Variants in FOXN2 observed in about 807,000 individuals in gnomAD.
FOXN2 encodes the protein forkhead box N2.
A neutral mutation model predicts 41.2 loss-of-function variants in FOXN2; 19 were observed. That is an observed-to-expected ratio of 0.46 (90% CI 0.32 to 0.68). The LOEUF is 0.68. Among genes scored for constraint, FOXN2 ranks in the 30% least tolerant of loss-of-function variants. The probability of loss-of-function intolerance (pLI) is 0.03; values close to 1 mark genes in which losing one functional copy is unlikely to be tolerated. For synonymous variants in FOXN2, 195 were observed against 176.8 expected, an observed-to-expected ratio of 1.10 and a Z score of -0.82; for missense variants, 587 against 509.4, an observed-to-expected ratio of 1.15 and a Z score of -1.47.
intron 1 of FOXN2, among the ~76,000 whole-genome samples, chr2:48,328,080 C>T (rs1669798596): frequency 6.6e-6 from 1 of 152,230 alleles, no homozygotes; most frequent in African/African-American, 2.4e-5. Flanking sequence ...AGGTGATATA[C>T]TGCATGACTA....
intron 4 of FOXN2, among the ~76,000 whole-genome samples, chr2:48,361,466 CAAA>C (rs780422235): frequency 1.4e-5 from 1 of 73,958 alleles, no homozygotes; most frequent in Admixed American, 1.5e-4. Context: ...GACTGTGTCT[CAAA>C]AAAAAAAAAA....
chr2:48,323,624 A>G (rs926396562), intron 1 of FOXN2, among the ~76,000 whole-genome samples: 1 of 152,108 alleles, frequency 6.6e-6, no homozygotes, highest in African/African-American at 2.4e-5. Flanking sequence ...GGTTCTGGAT[A>G]TTAGTCGTTT....
In FOXN2 at chr2:48,339,032, A is replaced by T. The variant is rs543011870; in HGVS notation, c.-14-7169A>T. Among the ~76,000 whole-genome samples, 5 of 152,308 alleles carry T rather than the reference A, an allele frequency of 3.3e-5. No homozygotes were observed. The East Asian group carries it at 9.6e-4, about 29-fold the overall frequency. On this transcript the variant is annotated intron_variant, in intron 2 of 6. Transcript: ENST00000340553. ...AAAAATGGGCACAAGGCTTCAATAG[A>T]TACTTTATGGAAGAATAAATCCAAA...
chr2:48,345,688 T>C (rs1284453732), intron 2 of FOXN2, among the ~76,000 whole-genome samples: 3 of 152,098 alleles, frequency 2.0e-5, no homozygotes, highest in Admixed American at 1.3e-4. Flanking sequence ...GCTGTAAAAA[T>C]AGTATACATA....
intron 3 of FOXN2, among the ~76,000 whole-genome samples, chr2:48,352,393 A>G (rs1671504785): frequency 6.6e-6 from 1 of 152,168 alleles, no homozygotes; most frequent in Admixed American, 6.5e-5. Context: ...GATTTGTATA[A>G]CACTGTGCTT....
At chr2:48,363,063 T>G (rs1006476478) in intron 5 of FOXN2, among the ~76,000 whole-genome samples, 1 of 152,180 alleles carries the variant, frequency 6.6e-6, no homozygotes, top group African/African-American at 2.4e-5. Flanking sequence ...AAGTTAACTG[T>G]AAAAGAGCCT....
Position 48,378,129 on chromosome 2 carries a change from C to G in FOXN2, c.*2686C>G, listed in dbSNP as rs1305177185. The G allele has an allele frequency of 6.6e-6, 1 of 152,354 alleles. No individual in the cohort carries two copies. The highest frequency in any genetic ancestry group is 2.4e-5 in the African/African-American group (1 of 41,406). The allele number at this position is 152,354 out of a possible 1,614,324, so 9.4% of individuals were successfully genotyped here. A position where few individuals can be genotyped will look rare whatever the true frequency, so the allele number is the denominator to read the frequency against. ...CCTAGTAAAAAGCTTTGATTCAACA[C>G]AATTGTTCATCTTCACATCCCAAAC... On this transcript the variant is annotated 3_prime_UTR_variant, in exon 7 of 7. Coordinates refer to ENST00000340553, the MANE Select transcript of FOXN2 (RefSeq NM_002158.4).
chr2:48,362,778 A>C, intron 5 of FOXN2, 71 bp downstream of exon 5: 1 of 1,236,676 alleles, frequency 8.1e-7, no homozygotes, highest in South Asian at 1.2e-5. Flanking sequence ...AGTGCATAAC[A>C]ATGGTGGTCC....
chr2:48,323,693 A>C (rs1228505790), intron 1 of FOXN2, among the ~76,000 whole-genome samples: 8 of 151,780 alleles, frequency 5.3e-5, no homozygotes, highest in African/African-American at 1.9e-4. Flanking sequence ...CTCTTTATTG[A>C]TTATTTCTTT....
At chr2:48,320,463 G>A (rs902957600) in intron 1 of FOXN2, among the ~76,000 whole-genome samples, 6 of 152,016 alleles carry the variant, frequency 3.9e-5, no homozygotes, top group African/African-American at 7.2e-5. Flanking sequence ...GCTAATTTTT[G>A]TATTTTTAGT....
At chr2:48,329,284 C>A (rs1327870442) in intron 2 of FOXN2, among the ~76,000 whole-genome samples, 2 of 152,132 alleles carry the variant, frequency 1.3e-5, no homozygotes, top group African/African-American at 4.8e-5. Flanking sequence ...CATCTAAACA[C>A]ATGGTTTACA....
intron 4 of FOXN2, among the ~76,000 whole-genome samples, chr2:48,360,562 T>G (rs778562376): frequency 5.9e-5 from 9 of 152,290 alleles, no homozygotes; most frequent in Non-Finnish European, 7.4e-5. Context: ...ATTTTAAGCT[T>G]CTTTACCATA....
Position 48,375,558 on chromosome 2 carries a change from T to G in FOXN2, c.*115T>G. On this transcript the variant is annotated 3_prime_UTR_variant, in exon 7 of 7. Transcript: ENST00000340553. ...AAGGGATACTAATTACTTATTTCTT[T>G]CAAAACATTTTTGGTTTTTGGTTTT... is the stretch of plus-strand genomic sequence containing the variant. 8.8e-7 allele frequency: 1 copy of G among 1,136,206 alleles called. No homozygotes were observed. The highest frequency in any genetic ancestry group is 2.9e-5 in the Admixed American group (1 of 34,352). The allele number at this position is 1,136,206 out of a possible 1,614,324, so 70.4% of individuals were successfully genotyped here.
At chr2:48,332,529 C>T (rs765652646) in intron 2 of FOXN2, among the ~76,000 whole-genome samples, 2 of 152,112 alleles carry the variant, frequency 1.3e-5, no homozygotes, top group South Asian at 4.1e-4. Context: ...TTGGCCACCT[C>T]GTCAGTGGAT....
intron 1 of FOXN2, among the ~76,000 whole-genome samples, chr2:48,319,185 G>C (rs555334017): frequency 1.3e-5 from 2 of 151,482 alleles, no homozygotes; most frequent in African/African-American, 4.9e-5. Context: ...GCTTTGAAAG[G>C]TGTGTTGGAG....
chr2:48,370,868 C>T (rs1672846967), intron 5 of FOXN2, among the ~76,000 whole-genome samples: 1 of 152,044 alleles, frequency 6.6e-6, no homozygotes, highest in African/African-American at 2.4e-5. Flanking sequence ...AAATCTTTTC[C>T]CAGACCAATG....
chr2:48,326,495 G>T (rs1669684644), intron 1 of FOXN2, among the ~76,000 whole-genome samples: 1 of 152,192 alleles, frequency 6.6e-6, no homozygotes, highest in South Asian at 2.1e-4. Flanking sequence ...AATTAAGAGA[G>T]AGTCTGGCAT....
At chr2:48,344,192 A>G (rs1376493488) in intron 2 of FOXN2, among the ~76,000 whole-genome samples, 1 of 152,228 alleles carries the variant, frequency 6.6e-6, no homozygotes, top group African/African-American at 2.4e-5. Context: ...TCTGAAATAC[A>G]TTGTGTGCTC....
At chr2:48,366,440 C>T (rs1319979735) in intron 5 of FOXN2, among the ~76,000 whole-genome samples, 1 of 151,680 alleles carries the variant, frequency 6.6e-6, no homozygotes, top group Admixed American at 6.6e-5. Context: ...AACAAAAGTT[C>T]TCCCTGGCAG....
Sources: allele counts gnomAD v4.1 joint callset (sites outside exome capture counted in the v4.1 genomes callset), GRCh38; gene constraint gnomAD v4.1.1; transcripts MANE v1.5; gene names NCBI Gene and HGNC (gene_info 2026-07-23, HGNC 2026-07-21).